The following PHF3 variants were observed in gnomAD, a reference collection of about 807,000 sequenced individuals.
PHF3 encodes the protein PHD finger protein 3.
A neutral mutation model predicts 178.4 loss-of-function variants in PHF3; 41 were observed. The observed-to-expected ratio is 0.23, with a 90% CI of 0.18 to 0.30. The LOEUF (loss-of-function observed/expected upper bound fraction) is 0.30, where lower values mean the gene tolerates loss of function less well. Ranked by LOEUF, PHF3 falls within the 10% of genes least tolerant of loss-of-function variation. The pLI is 1.00. For synonymous variants in PHF3, 842 were observed against 800.5 expected, an observed-to-expected ratio of 1.05 and a Z score of -0.88; for missense variants, 2,346 against 2,398.1, an observed-to-expected ratio of 0.98 and a Z score of 0.45.
At chr6:63,673,784 A>G (rs1766031057) in intron 2 of PHF3, among the ~76,000 whole-genome samples, 1 of 152,240 alleles carries the variant, frequency 6.6e-6, no homozygotes, top group South Asian at 2.1e-4. Context: ...AAGAAAAAGT[A>G]GCAAATGGGC....
At chr6:63,637,667 A>G (rs1206233378) in intron 1 of PHF3, among the ~76,000 whole-genome samples, 1 of 152,034 alleles carries the variant, frequency 6.6e-6, no homozygotes, top group African/African-American at 2.4e-5. Flanking sequence ...TGTTATTATT[A>G]TTTTACAATA....
chr6:63,656,198 T>G (rs1213807362), intron 2 of PHF3, among the ~76,000 whole-genome samples: 1 of 152,266 alleles, frequency 6.6e-6, no homozygotes, highest in East Asian at 1.9e-4. Context: ...TAGTTCTACT[T>G]GCTTACATTT....
At position 63,718,408 on chromosome 6, in the gene PHF3, A is replaced by G. The variant is rs1340139805; in HGVS notation, c.*4700A>G. On this transcript the variant is annotated 3_prime_UTR_variant, in exon 16 of 16. Transcript: ENST00000262043. ...GTTTATATGGCTTATATCATTATTT[A>G]GCATACTAGAAAATCAAATGATAAA... Among the ~76,000 whole-genome samples the G allele has an allele frequency of 6.6e-6, 1 of 152,070 alleles. No homozygotes were observed. Among genetic ancestry groups the G allele is most frequent in the East Asian group, 1.9e-4 (1 of 5,196 alleles).
chr6:63,669,705 A>C (rs553344795), intron 2 of PHF3, among the ~76,000 whole-genome samples: 118 of 152,282 alleles, frequency 7.7e-4, no homozygotes, highest in Non-Finnish European at 1.6e-3. Flanking sequence ...AGTTAACTGA[A>C]ATGAACTTGA....
intron 1 of PHF3, among the ~76,000 whole-genome samples, chr6:63,644,564 A>G (rs1310448545): frequency 6.6e-6 from 1 of 152,190 alleles, no homozygotes; most frequent in East Asian, 1.9e-4. Flanking sequence ...GAATGCATGT[A>G]AAATAAGCAG....
chr6:63,699,426 G>A (rs1425838624), intron 8 of PHF3, among the ~76,000 whole-genome samples: 1 of 152,096 alleles, frequency 6.6e-6, no homozygotes, highest in Non-Finnish European at 1.5e-5. Context: ...ATTTGTATAA[G>A]GATATTTGCT....
chr6:63,704,883 C>T (rs1767624937), intron 11 of PHF3, among the ~76,000 whole-genome samples: 1 of 152,138 alleles, frequency 6.6e-6, no homozygotes, highest in Admixed American at 6.5e-5. Context: ...TTCATTTTGC[C>T]TTCCCGCCAG....
At chr6:63,703,878 A>C (rs1270997796) in intron 11 of PHF3, among the ~76,000 whole-genome samples, 1 of 152,172 alleles carries the variant, frequency 6.6e-6, no homozygotes, top group African/African-American at 2.4e-5. Flanking sequence ...AGACCTAATT[A>C]TACTATATAT....
rs762942619 is a variant in PHF3, at chr6:63,713,656, A to G, written c.6068A>G (p.Asp2023Gly). ...SKHREGEKDR[D>G]RYHKDRDHTD... ...CACAGAGAAGGAGAAAAGGACAGGG[A>G]TAGGTACCACAAAGATAGGGACCAC... Residue 2023 changes from aspartate (D) to glycine (G), a missense_variant, in exon 16 of 16, where the codon GAT becomes GGT. Asp to Gly is a moderately conservative substitution (Grantham distance 94). Around this residue, in one of 8 missense-constraint regions of PHF3, gnomAD observed 839 missense variants for 806.9 expected, o/e 1.04. Transcript: ENST00000262043. 4 of 1,605,374 alleles carry G rather than the reference A, an allele frequency of 2.5e-6. No individual in the cohort carries two copies. The highest frequency in any genetic ancestry group is 3.4e-6 in the Non-Finnish European group (4 of 1,177,664).
In PHF3 at chr6:63,711,504, G is replaced by A; in HGVS notation, c.3998-82G>A. ...AGGGCCAGGCACCATTTAATATCCTGTAATAAGTTAGAGGCAGAATTTTAC... is the reference window on the plus strand; with the variant it reads ...AGGGCCAGGCACCATTTAATATCCTATAATAAGTTAGAGGCAGAATTTTAC... On this transcript the variant is annotated intron_variant, in intron 15 of 15. Transcript: ENST00000262043. 4 of 1,385,458 alleles carry A rather than the reference G, an allele frequency of 2.9e-6. No individual in the cohort carries two copies. In the South Asian group the frequency reaches 5.7e-5, roughly 20 times the overall value. 85.8% of individuals were successfully genotyped at this position (1,385,458 alleles called of 1,614,324 possible). A position where few individuals can be genotyped will look rare whatever the true frequency, so the allele number is the denominator to read the frequency against.
chr6:63,668,898 T>TA (rs1765791072), intron 2 of PHF3, among the ~76,000 whole-genome samples: 2 of 152,196 alleles, frequency 1.3e-5, no homozygotes, highest in South Asian at 4.1e-4. Context: ...TTTCCTCTGT[T>TA]ACGTGTATAA....
At chr6:63,653,182 G>GT (rs903657101) in intron 2 of PHF3, among the ~76,000 whole-genome samples, 8 of 105,428 alleles carry the variant, frequency 7.6e-5, no homozygotes, top group East Asian at 2.8e-4. Flanking sequence ...TCTGTGTATT[G>GT]TTTTTTTTGT....
Position 63,635,820 on chromosome 6 carries a change from G to T in PHF3, c.-356G>T, listed in dbSNP as rs887276038. Reference sequence around the variant, plus strand: ...GGTAAACAGTGGGGTCACGTGACACGGCCCCTCTCCAGCTCCCGCGCCGCC... The same window carrying T: ...GGTAAACAGTGGGGTCACGTGACACTGCCCCTCTCCAGCTCCCGCGCCGCC... On this transcript the variant is annotated 5_prime_UTR_variant, in exon 1 of 16. Coordinates refer to ENST00000262043, the MANE Select transcript of PHF3 (RefSeq NM_001370348.2). 5.1e-6 allele frequency: 2 copies of T among 394,844 alleles called. No individual in the cohort carries two copies. The highest frequency in any genetic ancestry group is 8.9e-6 in the Non-Finnish European group (2 of 223,732). The allele number at this position is 394,844 out of a possible 1,614,324, so 24.5% of individuals were successfully genotyped here.
chr6:63,659,813 A>T (rs1385662464), intron 2 of PHF3, among the ~76,000 whole-genome samples: 3 of 152,172 alleles, frequency 2.0e-5, no homozygotes, highest in African/African-American at 7.2e-5. Flanking sequence ...GGTTAGGGAT[A>T]CTCAACCTGT....
chr6:63,664,216 T>C (rs1051384591), intron 2 of PHF3, among the ~76,000 whole-genome samples: 1 of 152,212 alleles, frequency 6.6e-6, no homozygotes, highest in Admixed American at 6.5e-5. Flanking sequence ...CTACTAGGCT[T>C]TTTTTCAGAG....
chr6:63,650,218 A>T (rs1764964290), intron 2 of PHF3, among the ~76,000 whole-genome samples: 1 of 152,204 alleles, frequency 6.6e-6, no homozygotes, highest in South Asian at 2.1e-4. Flanking sequence ...CTGCTACTGT[A>T]GGTTACTACT....
intron 1 of PHF3, among the ~76,000 whole-genome samples, chr6:63,643,702 C>T (rs887511174): frequency 2.0e-5 from 3 of 152,004 alleles, no homozygotes; most frequent in Admixed American, 1.3e-4. Flanking sequence ...AACCTTTTTC[C>T]GGATAATGCC....
At chr6:63,694,119 G>C (rs1012686095) in intron 5 of PHF3, among the ~76,000 whole-genome samples, 8 of 152,140 alleles carry the variant, frequency 5.3e-5, no homozygotes, top group Non-Finnish European at 1.0e-4. Flanking sequence ...CAGAATTCCA[G>C]TTTTACTGGT....
intron 4 of PHF3, among the ~76,000 whole-genome samples, chr6:63,687,154 T>G (rs546364278): frequency 6.6e-6 from 1 of 152,192 alleles, no homozygotes; most frequent in Admixed American, 6.5e-5. Context: ...CGCAGTCGCA[T>G]GCCTGTAATC....
Sources: gnomAD v4.1 joint callset for allele counts (sites outside exome capture counted in the v4.1 genomes callset) on GRCh38, gnomAD v4.1.1 for gene constraint, gnomAD v4.1.1 regional missense constraint, MANE v1.5 for transcripts, NCBI Gene and HGNC (gene_info 2026-07-23, HGNC 2026-07-21) for gene names.